The following UBE2K variants were observed in gnomAD, a reference collection of about 807,000 sequenced individuals.
UBE2K encodes ubiquitin conjugating enzyme E2 K.
Under a neutral mutation model 30.0 loss-of-function variants are expected in UBE2K, and 6 were observed. That is an observed-to-expected ratio of 0.20 (90% confidence interval 0.11 to 0.39). The LOEUF (loss-of-function observed/expected upper bound fraction) is 0.39. Ranked by LOEUF, UBE2K falls within the 10% of genes least tolerant of loss-of-function variation. The pLI, the probability that UBE2K is intolerant of heterozygous loss-of-function variation, is 1.00. For synonymous variants in UBE2K, 86 were observed against 83.7 expected, an observed-to-expected ratio of 1.03 and a Z score of -0.15; for missense variants, 61 against 241.6, an observed-to-expected ratio of 0.25 and a Z score of 4.96.
At chr4:39,772,146 T>G (rs1343580892) in intron 4 of UBE2K, among the ~76,000 whole-genome samples, 1 of 152,072 alleles carries the variant, frequency 6.6e-6, no homozygotes, top group Non-Finnish European at 1.5e-5. Flanking sequence ...CTAAATTAAC[T>G]TTTATCGTAG....
At chr4:39,719,508 T>C (rs553035051) in intron 1 of UBE2K, among the ~76,000 whole-genome samples, 1 of 152,318 alleles carries the variant, frequency 6.6e-6, no homozygotes, top group South Asian at 2.1e-4. Flanking sequence ...TTTGAGGAGC[T>C]GCTGCTAAAA....
chr4:39,711,804 A>G (rs1718704224), intron 1 of UBE2K, among the ~76,000 whole-genome samples: 1 of 151,550 alleles, frequency 6.6e-6, no homozygotes, highest in African/African-American at 2.4e-5. Flanking sequence ...TTAGGAGGCA[A>G]AGGCGGGCGG....
chr4:39,752,571 T>C lies in UBE2K; in HGVS notation c.217-3086T>C, dbSNP rs552752731. ...CAGGATGGTCTCAATCTCCTGACCT[T>C]GTGATCCACCTGCCTCGCCCTCCCA... On this transcript the variant is annotated intron_variant, in intron 3 of 6. Coordinates refer to ENST00000261427, the MANE Select transcript of UBE2K (RefSeq NM_005339.5). 1.2e-4 allele frequency among the ~76,000 whole-genome samples: 19 copies of C among 152,102 alleles called. No individual in the cohort carries two copies. In the South Asian group the frequency reaches 1.7e-3, roughly 13 times the overall value.
chr4:39,722,580 C>G (rs1719485674), intron 1 of UBE2K, among the ~76,000 whole-genome samples: 1 of 152,186 alleles, frequency 6.6e-6, no homozygotes, highest in South Asian at 2.1e-4. Flanking sequence ...CACCCCCACT[C>G]TCACTCATGC....
At chr4:39,711,440 G>A (rs1197585755) in intron 1 of UBE2K, among the ~76,000 whole-genome samples, 2 of 151,976 alleles carry the variant, frequency 1.3e-5, no homozygotes, top group African/African-American at 2.4e-5. Flanking sequence ...GAGATTACAG[G>A]TGTGAGCCAC....
Position 39,778,445 on chromosome 4 carries a change from G to A in UBE2K, c.*11G>A. ...CTTCTGAGTAACTGAGGCATAGAGAGCTGCTGATATAGTCAAGCTTGCCTC... is the reference window on the plus strand; with the variant it reads ...CTTCTGAGTAACTGAGGCATAGAGAACTGCTGATATAGTCAAGCTTGCCTC... On this transcript the variant is annotated 3_prime_UTR_variant, in exon 7 of 7. Coordinates refer to ENST00000261427, the MANE Select transcript of UBE2K (RefSeq NM_005339.5). The A allele has an allele frequency of 6.3e-7, 1 of 1,588,792 alleles. No individual in the cohort carries two copies. Among genetic ancestry groups the A allele is most frequent in the Non-Finnish European group, 8.6e-7 (1 of 1,158,846 alleles).
chr4:39,761,968 G>A (rs1003401954), intron 4 of UBE2K, among the ~76,000 whole-genome samples: 8 of 151,840 alleles, frequency 5.3e-5, no homozygotes, highest in African/African-American at 1.9e-4. Context: ...GAGGTTGGGA[G>A]TTCAAGACCA....
At chr4:39,776,057 A>G (rs1350118829) in intron 5 of UBE2K, among the ~76,000 whole-genome samples, 1 of 152,166 alleles carries the variant, frequency 6.6e-6, no homozygotes, top group African/African-American at 2.4e-5. Context: ...CCTCTCTCCT[A>G]AGCACGAGAG....
intron 1 of UBE2K, among the ~76,000 whole-genome samples, chr4:39,734,990 T>C (rs937977421): frequency 6.6e-6 from 1 of 152,330 alleles, no homozygotes; most frequent in East Asian, 1.9e-4. Context: ...CCTATCATCT[T>C]TGGGTTATTT....
chr4:39,730,732 T>C (rs1201047016), intron 1 of UBE2K, among the ~76,000 whole-genome samples: 1 of 149,236 alleles, frequency 6.7e-6, no homozygotes, highest in African/African-American at 2.5e-5. Flanking sequence ...ATTGCGCCAC[T>C]GCACTCCAGC....
chr4:39,745,856 A>T (rs376896919), intron 3 of UBE2K, 46 bp downstream of exon 3: 4 of 1,362,450 alleles, frequency 2.9e-6, no homozygotes, highest in Non-Finnish European at 4.1e-6. Context: ...AATATTTTAT[A>T]TTTCTGACCT....
intron 3 of UBE2K, among the ~76,000 whole-genome samples, chr4:39,751,371 A>G (rs1035657578): frequency 1.3e-5 from 2 of 152,136 alleles, no homozygotes; most frequent in African/African-American, 4.8e-5. Flanking sequence ...ACCCTTCTTT[A>G]AAAAGCAGTG....
chr4:39,745,454 A>G (rs1056889477), intron 2 of UBE2K, among the ~76,000 whole-genome samples: 9 of 152,156 alleles, frequency 5.9e-5, no homozygotes, highest in Non-Finnish European at 2.9e-5. Context: ...TAAAACTCCA[A>G]TAGTTAATTG....
chr4:39,732,034 G>A (rs539015398), intron 1 of UBE2K, among the ~76,000 whole-genome samples: 1 of 152,064 alleles, frequency 6.6e-6, no homozygotes, highest in Non-Finnish European at 1.5e-5. Context: ...GGCTAATATT[G>A]TTAATTATTC....
At chr4:39,739,264 C>T (rs1720544030) in intron 2 of UBE2K, among the ~76,000 whole-genome samples, 1 of 151,184 alleles carries the variant, frequency 6.6e-6, no homozygotes. Flanking sequence ...ATCTCCTGAC[C>T]TCGTGATCTG....
At position 39,774,133 on chromosome 4, in the gene UBE2K, C is replaced by T. The variant is rs1292542102; in HGVS notation, c.300-701C>T. ...GCAACATGGCAAAACCCCGTCTTTA[C>T]GAAAAAAGGAAAAACAAAAAAAATG... On this transcript the variant is annotated intron_variant, in intron 4 of 6. Transcript: ENST00000261427. 1.3e-5 allele frequency among the ~76,000 whole-genome samples: 2 copies of T among 150,730 alleles called. 1 individual carries two copies. Among genetic ancestry groups the T allele is most frequent in the South Asian group, 4.2e-4 (2 of 4,774 alleles).
chr4:39,750,307 A>G (rs2109366309), intron 3 of UBE2K, among the ~76,000 whole-genome samples: 1 of 152,352 alleles, frequency 6.6e-6, no homozygotes, highest in East Asian at 1.9e-4. Flanking sequence ...GTGGGAGCTG[A>G]AGTGTTAAAC....
chr4:39,739,533 G>A (rs1257936224), intron 2 of UBE2K, among the ~76,000 whole-genome samples: 3 of 133,992 alleles, frequency 2.2e-5, no homozygotes, highest in African/African-American at 5.8e-5. Flanking sequence ...TGCAACCTCC[G>A]CCTCCCGGGT....
chr4:39,732,056 T>TA (rs1720103326), intron 1 of UBE2K, among the ~76,000 whole-genome samples: 2 of 152,202 alleles, frequency 1.3e-5, no homozygotes, highest in South Asian at 4.1e-4. Flanking sequence ...CTTTAAAAAA[T>TA]ACAGTATTTG....
Sources: gnomAD v4.1 joint callset for allele counts (sites outside exome capture counted in the v4.1 genomes callset) on GRCh38, gnomAD v4.1.1 for gene constraint, MANE v1.5 for transcripts, NCBI Gene and HGNC (gene_info 2026-07-23, HGNC 2026-07-21) for gene names.